Variants in KCND2 observed in about 807,000 individuals in gnomAD.
The protein encoded by KCND2 is potassium voltage-gated channel subfamily D member 2.
A neutral mutation model predicts 54.4 loss-of-function variants in KCND2; 16 were observed. That is an observed-to-expected ratio of 0.29 (90% CI 0.20 to 0.45). The LOEUF is 0.45. Among genes scored for constraint, KCND2 ranks in the 20% least tolerant of loss-of-function variants. KCND2 has a pLI of 1.00. For missense variants in KCND2, 486 were observed against 824.2 expected, an observed-to-expected ratio of 0.59 and a Z score of 5.02; for synonymous variants, 317 against 310.7, an observed-to-expected ratio of 1.02 and a Z score of -0.21.
chr7:120,364,827 C>G (rs1053519187), intron 1 of KCND2, among the ~76,000 whole-genome samples: 6 of 151,936 alleles, frequency 3.9e-5, no homozygotes, highest in Non-Finnish European at 8.8e-5. Context: ...GTTTCTTGCC[C>G]GTCAGACTTA....
chr7:120,385,133 A>G (rs2116037364), intron 1 of KCND2, among the ~76,000 whole-genome samples: 1 of 146,414 alleles, frequency 6.8e-6, no homozygotes, highest in Admixed American at 7.1e-5. Context: ...CAGCCTCCCA[A>G]GTAGCTGGGA....
At chr7:120,457,638 G>T (rs1225787652) in intron 1 of KCND2, among the ~76,000 whole-genome samples, 1 of 152,146 alleles carries the variant, frequency 6.6e-6, no homozygotes, top group Non-Finnish European at 1.5e-5. Flanking sequence ...AAGTCTCTAG[G>T]AAGTCCCAAA....
chr7:120,571,677 T>G (rs1792368076), intron 1 of KCND2, among the ~76,000 whole-genome samples: 1 of 152,190 alleles, frequency 6.6e-6, no homozygotes, highest in African/African-American at 2.4e-5. Flanking sequence ...ACCGCATAAC[T>G]CTTTCTTAAT....
Position 120,560,270 on chromosome 7 carries a change from G to A in KCND2, c.1116-172633G>A, listed in dbSNP as rs139665524. On this transcript the variant is annotated intron_variant, in intron 1 of 5. Transcript: ENST00000331113. ...CATTTTTATTACACAAAAGCTTGCT[G>A]TATATTAATCAGCAGAAGAAATTTT... is the stretch of plus-strand genomic sequence containing the variant. 6.0e-3 allele frequency among the ~76,000 whole-genome samples: 906 copies of A among 152,212 alleles called. 9 individuals are homozygous for A. Among genetic ancestry groups the A allele is most frequent in the African/African-American group, 0.021 (867 of 41,532 alleles).
chr7:120,502,024 A>G (rs910610427), intron 1 of KCND2, among the ~76,000 whole-genome samples: 1 of 152,064 alleles, frequency 6.6e-6, no homozygotes, highest in Non-Finnish European at 1.5e-5. Context: ...CATCTGGACA[A>G]TGAGATGTAA....
chr7:120,731,319 G>A (rs1277102426), intron 1 of KCND2, among the ~76,000 whole-genome samples: 1 of 152,174 alleles, frequency 6.6e-6, no homozygotes, highest in Non-Finnish European at 1.5e-5. Flanking sequence ...ACAGTCAAAT[G>A]AGGAAATGTT....
intron 1 of KCND2, among the ~76,000 whole-genome samples, chr7:120,676,581 C>G (rs1417251056): frequency 1.3e-5 from 2 of 152,066 alleles, no homozygotes; most frequent in African/African-American, 4.8e-5. Context: ...TGTATATTGG[C>G]CACAACTTCA....
At chr7:120,309,587 G>A (rs1389713582) in intron 1 of KCND2, among the ~76,000 whole-genome samples, 1 of 149,840 alleles carries the variant, frequency 6.7e-6, no homozygotes, top group African/African-American at 2.5e-5. Context: ...TTCTGACACA[G>A]ATCATTATAT....
chr7:120,731,475 A>G (rs1410074837), intron 1 of KCND2, among the ~76,000 whole-genome samples: 1 of 152,200 alleles, frequency 6.6e-6, no homozygotes, highest in Non-Finnish European at 1.5e-5. Flanking sequence ...CAGTGTGGCC[A>G]GAGGCCAGTG....
chr7:120,627,649 A>G lies in KCND2; in HGVS notation c.1116-105254A>G, dbSNP rs913221523. Reference sequence around the variant, plus strand: ...AGCTAGCCTTTTCTATTGAATTAAAATGACATGTTTTGGTCTATACTACAG... The same window carrying G: ...AGCTAGCCTTTTCTATTGAATTAAAGTGACATGTTTTGGTCTATACTACAG... On this transcript the variant is annotated intron_variant, in intron 1 of 5. Transcript: ENST00000331113. Among the ~76,000 whole-genome samples, 96 of 152,306 alleles carry G rather than the reference A, an allele frequency of 6.3e-4. 1 individual carries two copies. The highest frequency in any genetic ancestry group is 2.1e-3 in the African/African-American group (89 of 41,580).
intron 1 of KCND2, among the ~76,000 whole-genome samples, chr7:120,625,141 C>T (rs766625898): frequency 2.6e-4 from 39 of 152,054 alleles, no homozygotes; most frequent in African/African-American, 6.5e-4. Flanking sequence ...TAAAATTAAC[C>T]GAGGAGTAGG....
intron 1 of KCND2, among the ~76,000 whole-genome samples, chr7:120,492,407 T>G (rs993852378): frequency 3.9e-5 from 6 of 152,070 alleles, no homozygotes. Flanking sequence ...CATACTCATA[T>G]GTACATATAT....
At position 120,449,260 on chromosome 7, in the gene KCND2, C is replaced by T. The variant is rs966928541; in HGVS notation, c.1115+173513C>T. Among the ~76,000 whole-genome samples, 8 of 150,286 alleles carry T rather than the reference C, an allele frequency of 5.3e-5. No individual in the cohort carries two copies. In the East Asian group the frequency reaches 9.8e-4, roughly 18 times the overall value. On this transcript the variant is annotated intron_variant, in intron 1 of 5. Coordinates refer to ENST00000331113, the MANE Select transcript of KCND2 (RefSeq NM_012281.3). ...GGGAGAATGGCGTGAACCCAGGAGG[C>T]GGAGCTTTCAGTGAGCCGAGATCAC...
At chr7:120,338,675 G>A (rs571771380) in intron 1 of KCND2, among the ~76,000 whole-genome samples, 40 of 151,928 alleles carry the variant, frequency 2.6e-4, no homozygotes, top group African/African-American at 8.9e-4. Flanking sequence ...ATGTTTTGAA[G>A]GTTGTCTACA....
intron 1 of KCND2, among the ~76,000 whole-genome samples, chr7:120,542,700 A>G (rs932672142): frequency 2.0e-5 from 3 of 152,080 alleles, no homozygotes; most frequent in African/African-American, 7.2e-5. Flanking sequence ...TGAGGAGACA[A>G]TCTTACATTT....
At chr7:120,378,959 T>C (rs2116020616) in intron 1 of KCND2, among the ~76,000 whole-genome samples, 1 of 152,142 alleles carries the variant, frequency 6.6e-6, no homozygotes, top group African/African-American at 2.4e-5. Flanking sequence ...GAAGAACTCA[T>C]TTGTAACTGA....
chr7:120,465,400 T>G (rs541319341), intron 1 of KCND2, among the ~76,000 whole-genome samples: 9 of 149,060 alleles, frequency 6.0e-5, no homozygotes, highest in Admixed American at 5.4e-4. Flanking sequence ...CAGCAATGGT[T>G]GGAGGTATTA....
At chr7:120,463,271 T>C (rs1802310039) in intron 1 of KCND2, among the ~76,000 whole-genome samples, 1 of 151,940 alleles carries the variant, frequency 6.6e-6, no homozygotes, top group African/African-American at 2.4e-5. Flanking sequence ...TATGGAAGAA[T>C]GTAATAATTA....
intron 1 of KCND2, among the ~76,000 whole-genome samples, chr7:120,694,494 A>G (rs1344121129): frequency 2.0e-5 from 3 of 152,160 alleles, no homozygotes; most frequent in Non-Finnish European, 4.4e-5. Context: ...ATCTCTTCCT[A>G]TGCGAGCCTG....
Sources: gnomAD v4.1 joint callset for allele counts (sites outside exome capture counted in the v4.1 genomes callset) on GRCh38, gnomAD v4.1.1 for gene constraint, MANE v1.5 for transcripts, NCBI Gene and HGNC (gene_info 2026-07-23, HGNC 2026-07-21) for gene names.